NCALD: variants seen among roughly 807,000 people sequenced by gnomAD.
NCALD encodes the protein neurocalcin delta, also known as neurocalcin-delta.
A neutral mutation model predicts 18.6 loss-of-function variants in NCALD; 10 were observed. The ratio of observed to expected loss-of-function variants is 0.54; its 90% CI spans 0.33 to 0.91. NCALD has a LOEUF of 0.91. Among genes scored for constraint, NCALD ranks in the 40% least tolerant of loss-of-function variants. The pLI, the probability that NCALD is intolerant of heterozygous loss-of-function variation, is 0.03. For missense variants in NCALD, 184 were observed against 247.6 expected (o/e 0.74, Z 1.72); for synonymous variants, 88 against 87.4 (o/e 1.01, Z -0.04).
chr8:101,896,188 C>G (rs1359325887), intron 3 of NCALD, among the ~76,000 whole-genome samples: 1 of 151,808 alleles, frequency 6.6e-6, no homozygotes, highest in Non-Finnish European at 1.5e-5. Context: ...TGGAACAGAA[C>G]AGAGGCCTCA....
intron 1 of NCALD, among the ~76,000 whole-genome samples, chr8:101,731,009 G>C (rs946812697): frequency 6.6e-6 from 1 of 152,176 alleles, no homozygotes; most frequent in East Asian, 1.9e-4. Flanking sequence ...GTCAGTGAAC[G>C]GGTGTCGGAG....
intron 1 of NCALD, among the ~76,000 whole-genome samples, chr8:101,780,216 C>T (rs982352406): frequency 6.6e-6 from 1 of 152,056 alleles, no homozygotes; most frequent in Non-Finnish European, 1.5e-5. Context: ...TAGAAAGTCT[C>T]CCAGGTTGAA....
intron 1 of NCALD, among the ~76,000 whole-genome samples, chr8:102,065,464 G>C (rs949781831): frequency 2.6e-5 from 4 of 152,158 alleles, no homozygotes; most frequent in African/African-American, 9.7e-5. Flanking sequence ...ATTCCTCCAT[G>C]AATGAATGCT....
intron 1 of NCALD, among the ~76,000 whole-genome samples, chr8:102,119,531 T>C (rs928500613): frequency 3.9e-5 from 6 of 152,224 alleles, no homozygotes; most frequent in African/African-American, 1.4e-4. Context: ...TTAAAGCCAC[T>C]GAACTGTACG....
chr8:101,814,033 T>C (rs1487149063), intron 4 of NCALD, among the ~76,000 whole-genome samples: 1 of 152,004 alleles, frequency 6.6e-6, no homozygotes, highest in East Asian at 1.9e-4. Flanking sequence ...CCTTACAAAA[T>C]AGAAAACACC....
rs1563660899 is a variant in NCALD at position 101,694,757 on chromosome 8, C to T, written c.379-1861G>A. 5.9e-5 allele frequency among the ~76,000 whole-genome samples: 9 copies of T among 152,138 alleles called. No homozygotes were observed. The South Asian group carries it at 1.7e-3, about 28-fold the overall frequency. ...CTGCTGTCATCCCAGCCCAGGTCTG[C>T]TCCACCAACTGTGCTGGGGCTGTAG... On this transcript the variant is annotated intron_variant, in intron 2 of 3. Transcript: ENST00000220931.
At chr8:102,006,219 A>T (rs117231323) in intron 2 of NCALD, among the ~76,000 whole-genome samples, 4,278 of 152,232 alleles carry the variant, frequency 0.028, 103 homozygotes, top group East Asian at 0.093. Flanking sequence ...TCCTCATATC[A>T]TTAACCCACT....
intron 1 of NCALD, among the ~76,000 whole-genome samples, chr8:101,773,394 A>G (rs949576173): frequency 6.6e-6 from 1 of 152,156 alleles, no homozygotes; most frequent in African/African-American, 2.4e-5. Flanking sequence ...CTCTGTGCAA[A>G]TGTTCCCTCT....
intron 2 of NCALD, among the ~76,000 whole-genome samples, chr8:101,962,781 T>C (rs1210241852): frequency 6.6e-6 from 1 of 152,192 alleles, no homozygotes; most frequent in Non-Finnish European, 1.5e-5. Context: ...TAAAGGAGAA[T>C]AGATTATTAG....
intron 4 of NCALD, among the ~76,000 whole-genome samples, chr8:101,884,515 T>C (rs902451623): frequency 1.2e-4 from 18 of 152,190 alleles, no homozygotes; most frequent in Non-Finnish European, 2.4e-4. Flanking sequence ...TGTTATACCA[T>C]ATCATTCTTC....
chr8:101,765,275 A>G (rs16868371), intron 1 of NCALD, among the ~76,000 whole-genome samples: 9,928 of 152,224 alleles, frequency 0.065, 612 homozygotes, highest in East Asian at 0.35. Context: ...TTTTTTACCT[A>G]GCACACTGGT....
At chr8:102,104,194 C>T (rs1448335844) in intron 1 of NCALD, among the ~76,000 whole-genome samples, 1 of 152,158 alleles carries the variant, frequency 6.6e-6, no homozygotes, top group African/African-American at 2.4e-5. Context: ...GCAATTATTT[C>T]CCAGTGAGTA....
chr8:101,784,493 G>A (rs933931886), intron 1 of NCALD, among the ~76,000 whole-genome samples: 13 of 152,132 alleles, frequency 8.5e-5, no homozygotes, highest in African/African-American at 3.1e-4. Flanking sequence ...TGATGGAGAG[G>A]AGCAAGATTC....
intron 2 of NCALD, among the ~76,000 whole-genome samples, chr8:101,942,549 CAG>C (rs1818996982): frequency 6.6e-6 from 1 of 152,130 alleles, no homozygotes; most frequent in South Asian, 2.1e-4. Flanking sequence ...TAAAATGCAA[CAG>C]AACATAAGAA....
intron 2 of NCALD, among the ~76,000 whole-genome samples, chr8:101,938,987 C>G (rs1818859558): frequency 1.3e-5 from 2 of 152,242 alleles, no homozygotes; most frequent in Admixed American, 1.3e-4. Context: ...AGTCTGAGAT[C>G]TATCAGTGCT....
chr8:101,784,259 AC>A (rs911157782), intron 1 of NCALD, among the ~76,000 whole-genome samples: 4 of 152,068 alleles, frequency 2.6e-5, no homozygotes, highest in Admixed American at 1.3e-4. Context: ...TGGCTGAAAT[AC>A]CTACTCTTGG....
intron 4 of NCALD, among the ~76,000 whole-genome samples, chr8:101,835,193 C>T (rs907966189): frequency 6.6e-6 from 1 of 152,228 alleles, no homozygotes; most frequent in Non-Finnish European, 1.5e-5. Flanking sequence ...CTCAACATTT[C>T]CATAGCTTCA....
intron 2 of NCALD, among the ~76,000 whole-genome samples, chr8:101,983,576 C>G (rs540326913): frequency 6.6e-6 from 1 of 152,338 alleles, no homozygotes; most frequent in East Asian, 1.9e-4. Flanking sequence ...CAAACATTAA[C>G]TAACCGAAAC....
intron 4 of NCALD, among the ~76,000 whole-genome samples, chr8:101,828,708 C>G (rs6468802): frequency 0.12 from 17,927 of 151,992 alleles, 2,742 homozygotes; most frequent in African/African-American, 0.35. Flanking sequence ...CTCAAGCAAT[C>G]CTCCAGCCTC....
Sources: allele counts gnomAD v4.1 joint callset (sites outside exome capture counted in the v4.1 genomes callset), GRCh38; gene constraint gnomAD v4.1.1; transcripts MANE v1.5; gene names NCBI Gene and HGNC (gene_info 2026-07-23, HGNC 2026-07-21).